Variants in FYCO1 observed in about 807,000 individuals in gnomAD.
The protein encoded by FYCO1 is FYVE and coiled-coil domain-containing protein 1.
A neutral mutation model predicts 165.1 loss-of-function variants in FYCO1; 122 were observed. The ratio of observed to expected loss-of-function variants is 0.74; its 90% confidence interval spans 0.64 to 0.86. The LOEUF is 0.86. FYCO1 is among the 40% of genes least tolerant of loss of function. The probability of loss-of-function intolerance (pLI) is 0.00; values close to 1 mark genes in which losing one functional copy is unlikely to be tolerated. For missense variants in FYCO1, 1,702 were observed against 1,810.3 expected, an observed-to-expected ratio of 0.94 and a Z score of 1.09; for synonymous variants, 648 against 742.5, an observed-to-expected ratio of 0.87 and a Z score of 2.07.
intron 14 of FYCO1, among the ~76,000 whole-genome samples, chr3:45,953,351 C>T (rs765709418): frequency 3.9e-5 from 6 of 152,188 alleles, no homozygotes; most frequent in Non-Finnish European, 8.8e-5. Flanking sequence ...CTGGGACCCA[C>T]ATAAATTCTT....
At chr3:45,949,200 G>T (rs1156684288) in intron 14 of FYCO1, among the ~76,000 whole-genome samples, 1 of 152,194 alleles carries the variant, frequency 6.6e-6, no homozygotes, top group African/African-American at 2.4e-5. Context: ...TCTACAAGCA[G>T]AGTTTTACTG....
rs375531546 is a variant in FYCO1 at position 45,949,011 on chromosome 3, G to A, written c.3944+6238C>T. Among the ~76,000 whole-genome samples the A allele has an allele frequency of 1.3e-4, 20 of 152,286 alleles. No homozygotes were observed. The East Asian group carries it at 3.3e-3, about 25-fold the overall frequency. On this transcript the variant is annotated intron_variant, in intron 14 of 17. Transcript: ENST00000296137. ...CTAGTTATTATTTCTTACAAGAACTGGTGACACAAAATGGAAGCCCTCCAT... is the reference window on the plus strand; with the variant it reads ...CTAGTTATTATTTCTTACAAGAACTAGTGACACAAAATGGAAGCCCTCCAT...
intron 14 of FYCO1, among the ~76,000 whole-genome samples, chr3:45,939,225 G>A (rs1217966802): frequency 6.6e-6 from 1 of 152,166 alleles, no homozygotes; most frequent in Non-Finnish European, 1.5e-5. Context: ...GGCATTCCTG[G>A]GCAGCCTGCT....
intron 7 of FYCO1, 138 bp downstream of exon 7, chr3:45,969,537 C>T (rs552448948): frequency 2.4e-4 from 163 of 680,784 alleles, no homozygotes; most frequent in Admixed American, 4.0e-4. Context: ...CTCCCGGGAA[C>T]AGCAGCCATA....
chr3:45,918,048 G>C lies in FYCO1; in HGVS notation c.*3717C>G, dbSNP rs1161447047. 4 of 152,626 alleles carry C rather than the reference G, an allele frequency of 2.6e-5. No homozygotes were observed. The highest frequency in any genetic ancestry group is 5.9e-5 in the Non-Finnish European group (4 of 68,042). 9.5% of individuals were successfully genotyped at this position (152,626 alleles called of 1,614,324 possible). A position where few individuals can be genotyped will look rare whatever the true frequency, so the allele number is the denominator to read the frequency against. On this transcript the variant is annotated 3_prime_UTR_variant, in exon 18 of 18. Transcript: ENST00000296137. ...AGCAGGTGGGGTGCTGGTATTTGAT[G>C]TGCTTCTAGATAATTCTTTGGCAGA...
intron 1 of FYCO1, among the ~76,000 whole-genome samples, chr3:45,987,299 G>A (rs67044455): frequency 0.35 from 53,724 of 152,032 alleles, 11,672 homozygotes; most frequent in East Asian, 0.66. Context: ...CCTTGATTAC[G>A]GTGATGGTTA....
Position 45,979,612 on chromosome 3 carries a change from C to T in FYCO1, c.288+93G>A, listed in dbSNP as rs145827457. 4,852 of 1,488,640 alleles carry T rather than the reference C, an allele frequency of 3.3e-3. 13 individuals carry two copies. Among genetic ancestry groups the T allele is most frequent in the Middle Eastern group, 5.3e-3 (23 of 4,352 alleles). The allele number at this position is 1,488,640 out of a possible 1,614,324, so 92.2% of individuals were successfully genotyped here. ...TTTACCACCCATAAACTCCCACTTC[C>T]TTATTTAGCTGTCTGCAGCAAAGGT... On this transcript the variant is annotated intron_variant, in intron 4 of 17. Coordinates refer to ENST00000296137, the MANE Select transcript of FYCO1 (RefSeq NM_024513.4).
In FYCO1 at chr3:45,964,981, A is replaced by G; in HGVS notation, c.3150+52T>C. On this transcript the variant is annotated intron_variant, in intron 9 of 17. Transcript: ENST00000296137. The surrounding 1 kb of genome is among the most constrained non-coding windows in gnomAD (Gnocchi z 4.1). Reference sequence around the variant, plus strand: ...GGGAGCCCTCTTAAATGGTCCAGTCAAAACCACACCAGATGCCCTCTCCCT... The same window carrying G: ...GGGAGCCCTCTTAAATGGTCCAGTCGAAACCACACCAGATGCCCTCTCCCT... The G allele has an allele frequency of 1.3e-6, 2 of 1,495,394 alleles. No individual in the cohort carries two copies. The highest frequency in any genetic ancestry group is 1.9e-6 in the Non-Finnish European group (2 of 1,074,178). 92.6% of individuals were successfully genotyped at this position (1,495,394 alleles called of 1,614,324 possible).
At chr3:45,943,873 T>G (rs1331409128) in intron 14 of FYCO1, among the ~76,000 whole-genome samples, 1 of 152,212 alleles carries the variant, frequency 6.6e-6, no homozygotes, top group Admixed American at 6.5e-5. Flanking sequence ...AATCTCTGTT[T>G]TCATTTCTTT....
Position 45,968,665 on chromosome 3 carries a change from G to T in FYCO1, c.669C>A (p.Pro223=). ...AGCCCTCCAATGCCTCGTTGTTTAG[G>T]GGGCTGTTCAGGTCAAAGTTGGACA... ...EMVSNFDLNS[P]LNNEALEGFD... Residue 223 remains proline, a synonymous_variant, in exon 8 of 18, where the codon CCC becomes CCA. Coordinates refer to ENST00000296137, the MANE Select transcript of FYCO1 (RefSeq NM_024513.4). 1 of 1,614,194 alleles carries T rather than the reference G, an allele frequency of 6.2e-7. No homozygotes were observed. The highest frequency in any genetic ancestry group is 8.5e-7 in the Non-Finnish European group (1 of 1,180,032).
At position 45,947,052 on chromosome 3, in the gene FYCO1, G is replaced by C. The variant is rs907476052; in HGVS notation, c.3944+8197C>G. The C allele has an allele frequency of 6.2e-7, 1 of 1,614,054 alleles. No homozygotes were observed. The highest frequency in any genetic ancestry group is 8.5e-7 in the Non-Finnish European group (1 of 1,180,036). ...CCATGACGAGGCAATTTCCACTGTG[G>C]TTCTTGCCACCCAGATGACACTGGG... On this transcript the variant is annotated intron_variant, in intron 14 of 17. Coordinates refer to ENST00000296137, the MANE Select transcript of FYCO1 (RefSeq NM_024513.4).
At chr3:45,935,908 C>A (rs1393622823) in intron 15 of FYCO1, among the ~76,000 whole-genome samples, 2 of 152,126 alleles carry the variant, frequency 1.3e-5, no homozygotes, top group Non-Finnish European at 2.9e-5. Context: ...GACAATTATG[C>A]AGCCACTGGA....
chr3:45,977,438 T>A (rs1226420208), intron 4 of FYCO1, among the ~76,000 whole-genome samples: 5 of 126,512 alleles, frequency 4.0e-5, no homozygotes, highest in Non-Finnish European at 8.7e-5. Flanking sequence ...AAGGTATTTT[T>A]AGGGGGAAGG....
intron 16 of FYCO1, among the ~76,000 whole-genome samples, chr3:45,927,419 G>T (rs931796137): frequency 6.6e-6 from 1 of 152,198 alleles, no homozygotes; most frequent in Admixed American, 6.5e-5. Context: ...AAATTCAAAC[G>T]TGTGGATCGA....
rs1702966272 is a variant in FYCO1 at position 45,917,981 on chromosome 3, A to C, written c.*3784T>G. ...TCCACATGGCATGGCAGACACTATA[A>C]AATAATATGCTTAGGGATACAAAAG... On this transcript the variant is annotated 3_prime_UTR_variant, in exon 18 of 18. Coordinates refer to ENST00000296137, the MANE Select transcript of FYCO1 (RefSeq NM_024513.4). This position sits in a 1 kb window ranked among gnomAD's most constrained non-coding sequence, Gnocchi z 4.2. 6.6e-6 allele frequency: 1 copy of C among 152,648 alleles called. No individual in the cohort carries two copies. The highest frequency in any genetic ancestry group is 1.5e-5 in the Non-Finnish European group (1 of 68,040). 9.5% of individuals were successfully genotyped at this position (152,648 alleles called of 1,614,324 possible). A position where few individuals can be genotyped will look rare whatever the true frequency, so the allele number is the denominator to read the frequency against.
chr3:45,979,641 T>G, intron 4 of FYCO1, 64 bp downstream of exon 4: 1 of 1,602,286 alleles, frequency 6.2e-7, no homozygotes, highest in Non-Finnish European at 8.5e-7. Context: ...CAAAGGTCTC[T>G]GCAAGAGCTG....
intron 14 of FYCO1, among the ~76,000 whole-genome samples, chr3:45,936,989 C>T (rs1467295658): frequency 1.3e-5 from 2 of 152,162 alleles, no homozygotes; most frequent in Non-Finnish European, 1.5e-5. Context: ...AGATTTTTAA[C>T]ACCTTCTGAA....
chr3:45,931,731 A>G (rs1051898414), intron 15 of FYCO1, among the ~76,000 whole-genome samples: 4 of 152,146 alleles, frequency 2.6e-5, no homozygotes, highest in African/African-American at 9.7e-5. Flanking sequence ...CTTTCACCTA[A>G]TTAGTACAAG....
intron 17 of FYCO1, among the ~76,000 whole-genome samples, chr3:45,922,166 C>A (rs1026726951): frequency 5.3e-5 from 8 of 152,200 alleles, no homozygotes; most frequent in Non-Finnish European, 1.0e-4. Context: ...GTGTGAGGAG[C>A]AGGCAATGGG....
Sources: allele counts gnomAD v4.1 joint callset (sites outside exome capture counted in the v4.1 genomes callset), GRCh38; gene constraint gnomAD v4.1.1; non-coding constraint Gnocchi (gnomAD v3.1); transcripts MANE v1.5; gene names NCBI Gene and HGNC (gene_info 2026-07-23, HGNC 2026-07-21).